Variants in SEC61A1 observed in about 807,000 individuals in gnomAD.
SEC61A1 encodes protein transport protein Sec61 subunit alpha isoform 1.
In SEC61A1, 15 loss-of-function variants were observed where a neutral mutation model predicts 55.2. That is an observed-to-expected ratio of 0.27 (90% CI 0.18 to 0.42). The LOEUF (loss-of-function observed/expected upper bound fraction) is 0.42. Among genes scored for constraint, SEC61A1 ranks in the 10% least tolerant of loss-of-function variants. The pLI, the probability that SEC61A1 is intolerant of heterozygous loss-of-function variation, is 1.00. For synonymous variants in SEC61A1, 247 were observed against 234.0 expected, an observed-to-expected ratio of 1.06 and a Z score of -0.51; for missense variants, 284 against 602.6, an observed-to-expected ratio of 0.47 and a Z score of 5.53.
Position 128,060,368 on chromosome 3 carries a change from T to C in SEC61A1, c.463-140T>C. Reference sequence around the variant, plus strand: ...CCCTCTGAATTCAGCAGAGAAAGGCTTTACTGACCGCTCTCTGGGGCTGAG... The same window carrying C: ...CCCTCTGAATTCAGCAGAGAAAGGCCTTACTGACCGCTCTCTGGGGCTGAG... On this transcript the variant is annotated intron_variant, in intron 6 of 11. Transcript: ENST00000243253. 4 of 1,105,038 alleles carry C rather than the reference T, an allele frequency of 3.6e-6. No individual in the cohort carries two copies. The South Asian group carries it at 5.9e-5, about 16-fold the overall frequency. The allele number at this position is 1,105,038 out of a possible 1,614,324, so 68.5% of individuals were successfully genotyped here.
Position 128,067,305 on chromosome 3 carries a change from T to A in SEC61A1, c.976-116T>A, listed in dbSNP as rs1028375930. The A allele has an allele frequency of 7.6e-7, 1 of 1,315,580 alleles. No homozygotes were observed. Among genetic ancestry groups the A allele is most frequent in the Non-Finnish European group, 1.1e-6 (1 of 946,318 alleles). The allele number at this position is 1,315,580 out of a possible 1,614,324, so 81.5% of individuals were successfully genotyped here. A position where few individuals can be genotyped will look rare whatever the true frequency, so the allele number is the denominator to read the frequency against. On this transcript the variant is annotated intron_variant, in intron 9 of 11. Coordinates refer to ENST00000243253, the MANE Select transcript of SEC61A1 (RefSeq NM_013336.4). The surrounding 1 kb of genome is among the most constrained non-coding windows in gnomAD (Gnocchi z 4.1). The stretch of plus-strand genomic sequence containing the variant: ...TTAAATTATCTTTTCAGTAAAAAAA[T>A]TGTACTGTGGGCACCGAGTAAAATT...
intron 2 of SEC61A1, among the ~76,000 whole-genome samples, chr3:128,053,942 G>A (rs13094572): frequency 0.22 from 33,603 of 152,110 alleles, 3,762 homozygotes; most frequent in South Asian, 0.27. Context: ...TCCTTGAAGG[G>A]ACGGAAAGGA....
chr3:128,064,860 T>A lies in SEC61A1; in HGVS notation c.617-17T>A. The A allele has an allele frequency of 2.5e-6, 4 of 1,577,920 alleles. No homozygotes were observed. Among genetic ancestry groups the A allele is most frequent in the Non-Finnish European group, 3.4e-6 (4 of 1,161,406 alleles). ...GCCTGTTCGTTCCTTCATATATGTC[T>A]CCTCCTCTGCCAACAGGAATGGAAT... On this transcript the variant is annotated splice_polypyrimidine_tract_variant and intron_variant, in intron 7 of 11. Transcript: ENST00000243253.
Position 128,052,836 on chromosome 3 carries a change from C to A in SEC61A1, c.9C>A (p.Ile3=). The A allele has an allele frequency of 1.2e-6, 2 of 1,613,516 alleles. No homozygotes were observed. The highest frequency in any genetic ancestry group is 2.2e-5 in the South Asian group (2 of 90,984). MA[I]KFLEVIKPFC... ...CCTGTTTTGTTTCTCCCATCAAAGT[C>A]AAATTTCTGGAAGTCATCAAGCCCT... Residue 3 remains isoleucine, a splice_region_variant and synonymous_variant, in exon 2 of 12, where the codon ATC becomes ATA. Coordinates refer to ENST00000243253, the MANE Select transcript of SEC61A1 (RefSeq NM_013336.4).
chr3:128,064,938 G>A lies in SEC61A1; in HGVS notation c.678G>A (p.Lys226=), dbSNP rs1367335280. 3.1e-6 allele frequency: 5 copies of A among 1,614,088 alleles called. No homozygotes were observed. The highest frequency in any genetic ancestry group is 4.2e-6 in the Non-Finnish European group (5 of 1,180,020). The part of the protein sequence containing the change: ...LFHLLATRTD[K]VRALREAFYR... ...ATCTGCTGGCCACACGCACAGACAA[G>A]GTCCGAGCCCTTCGGGAGGCGTTCT... Residue 226 remains lysine, a synonymous_variant, in exon 8 of 12, where the codon AAG becomes AAA. Coordinates refer to ENST00000243253, the MANE Select transcript of SEC61A1 (RefSeq NM_013336.4).
Position 128,063,080 on chromosome 3 carries a change from G to T in SEC61A1, c.617-1797G>T, listed in dbSNP as rs114236274. 4.6e-3 allele frequency among the ~76,000 whole-genome samples: 694 copies of T among 152,280 alleles called. 5 individuals carry two copies. The highest frequency in any genetic ancestry group is 0.015 in the African/African-American group (612 of 41,564). ...AAAAGGCAAACCCCACATACCATCAGTTTGGTTACTCTTCCCATTCCCTCA... is the reference window on the plus strand; with the variant it reads ...AAAAGGCAAACCCCACATACCATCATTTTGGTTACTCTTCCCATTCCCTCA... On this transcript the variant is annotated intron_variant, in intron 7 of 11. Coordinates refer to ENST00000243253, the MANE Select transcript of SEC61A1 (RefSeq NM_013336.4).
chr3:128,069,135 A>G (rs1289746947), intron 11 of SEC61A1, among the ~76,000 whole-genome samples: 1 of 152,254 alleles, frequency 6.6e-6, no homozygotes, highest in Admixed American at 6.5e-5. Flanking sequence ...AATTTAATAT[A>G]TTTAACCTAG....
intron 2 of SEC61A1, 73 bp from the exon 3 acceptor site, chr3:128,055,443 T>TGAC (rs1179750388): frequency 1.4e-5 from 17 of 1,184,902 alleles, no homozygotes; most frequent in African/African-American, 3.0e-5. Context: ...GAAAGGGGTC[T>TGAC]GATTGGAGTC....
intron 11 of SEC61A1, 67 bp downstream of exon 11, chr3:128,068,126 C>T (rs1403522041): frequency 4.0e-6 from 5 of 1,247,000 alleles, no homozygotes; most frequent in South Asian, 3.6e-5. Flanking sequence ...CCATGCAGGG[C>T]ATCCTGATAG....
chr3:128,053,929 G>C (rs562927070), intron 2 of SEC61A1, among the ~76,000 whole-genome samples: 1 of 152,368 alleles, frequency 6.6e-6, no homozygotes, highest in South Asian at 2.1e-4. Flanking sequence ...AGAAATAGAA[G>C]TCTCCTTGAA....
Position 128,067,311 on chromosome 3 carries a change from T to C in SEC61A1, c.976-110T>C. 3.0e-6 allele frequency: 4 copies of C among 1,328,868 alleles called. No individual in the cohort carries two copies. The highest frequency in any genetic ancestry group is 4.2e-6 in the Non-Finnish European group (4 of 957,802). The allele number at this position is 1,328,868 out of a possible 1,614,324, so 82.3% of individuals were successfully genotyped here. A position where few individuals can be genotyped will look rare whatever the true frequency, so the allele number is the denominator to read the frequency against. The stretch of plus-strand genomic sequence containing the variant: ...TATCTTTTCAGTAAAAAAATTGTAC[T>C]GTGGGCACCGAGTAAAATTGCATTC... On this transcript the variant is annotated intron_variant, in intron 9 of 11. Transcript: ENST00000243253. This position sits in a 1 kb window ranked among gnomAD's most constrained non-coding sequence, Gnocchi z 4.1.
At chr3:128,063,980 T>C (rs1490678178) in intron 7 of SEC61A1, among the ~76,000 whole-genome samples, 1 of 152,150 alleles carries the variant, frequency 6.6e-6, no homozygotes, top group Non-Finnish European at 1.5e-5. Context: ...CTCAGTAAGC[T>C]CACTCCACCC....
chr3:128,065,732 ATTTTTTT>A (rs758640768), intron 8 of SEC61A1, among the ~76,000 whole-genome samples: 1 of 97,528 alleles, frequency 1.0e-5, no homozygotes, highest in Non-Finnish European at 1.9e-5. Context: ...ATCATTAAGA[ATTTTTTT>A]TTTTTTTTTT....
In SEC61A1 at chr3:128,055,567, T is replaced by C. The variant is rs1458696296; in HGVS notation, c.127T>C (p.Leu43=). ...GACCGCTATCACCCTCTTTATCTTC[T>C]TAGTGTGCTGCCAGGTAAGCTCAGG... is the stretch of plus-strand genomic sequence containing the variant. ...LWTAITLFIF[L]VCCQIPLFGI... The change falls in exon 3 of 12, where the codon TTA becomes CTA. Residue 43 remains leucine (L), a synonymous_variant. Coordinates refer to ENST00000243253, the MANE Select transcript of SEC61A1 (RefSeq NM_013336.4). The C allele has an allele frequency of 6.2e-7, 1 of 1,613,676 alleles. No individual in the cohort carries two copies. Among genetic ancestry groups the C allele is most frequent in the Admixed American group, 1.7e-5 (1 of 60,024 alleles).
chr3:128,055,510 C>G lies in SEC61A1; in HGVS notation c.76-6C>G. ...CCCTGCTTCAATTCATTCTCTCCTA[C>G]TCTAGATTCAGTTTAAGGAGAAAGT... On this transcript the variant is annotated splice_region_variant and splice_polypyrimidine_tract_variant and intron_variant, in intron 2 of 11. Transcript: ENST00000243253. The G allele has an allele frequency of 6.2e-7, 1 of 1,604,928 alleles. No homozygotes were observed. The highest frequency in any genetic ancestry group is 8.5e-7 in the Non-Finnish European group (1 of 1,171,630).
At position 128,067,340 on chromosome 3, in the gene SEC61A1, C is replaced by G; in HGVS notation, c.976-81C>G. ...GGCACCGAGTAAAATTGCATTCTTTCATCTGCTCAGAACTATTTTTGCCTT... is the reference window on the plus strand; with the variant it reads ...GGCACCGAGTAAAATTGCATTCTTTGATCTGCTCAGAACTATTTTTGCCTT... On this transcript the variant is annotated intron_variant, in intron 9 of 11. Transcript: ENST00000243253. This position sits in a 1 kb window ranked among gnomAD's most constrained non-coding sequence, Gnocchi z 4.1. 8 of 1,450,256 alleles carry G rather than the reference C, an allele frequency of 5.5e-6. No homozygotes were observed. The highest frequency in any genetic ancestry group is 7.5e-6 in the Non-Finnish European group (8 of 1,063,980). The allele number at this position is 1,450,256 out of a possible 1,614,324, so 89.8% of individuals were successfully genotyped here.
At chr3:128,065,811 G>A (rs1941959400) in intron 8 of SEC61A1, among the ~76,000 whole-genome samples, 1 of 133,822 alleles carries the variant, frequency 7.5e-6, no homozygotes, top group Admixed American at 8.9e-5. Flanking sequence ...ATCTCGACTC[G>A]ACTCACTGCA....
In SEC61A1 at chr3:128,070,150, T is replaced by C. The variant is rs956490406; in HGVS notation, c.*488T>C. Reference sequence around the variant, plus strand: ...GGCATGTCTCCTTCACAATCAGGCGTGGGAATATCTGGCTTAGGACTGTTT... The same window carrying C: ...GGCATGTCTCCTTCACAATCAGGCGCGGGAATATCTGGCTTAGGACTGTTT... On this transcript the variant is annotated 3_prime_UTR_variant, in exon 12 of 12. Transcript: ENST00000243253. 5 of 153,782 alleles carry C rather than the reference T, an allele frequency of 3.3e-5. No homozygotes were observed. The highest frequency in any genetic ancestry group is 1.5e-5 in the Non-Finnish European group (1 of 68,956). 9.5% of individuals were successfully genotyped at this position (153,782 alleles called of 1,614,324 possible).
rs1384613598 is a variant in SEC61A1, at chr3:128,055,598, A to G, written c.141+17A>G. The stretch of plus-strand genomic sequence containing the variant: ...TGCTGCCAGGTAAGCTCAGGCTTGT[A>G]TTTCGTATTGGGGAGGGGGATAAGA... On this transcript the variant is annotated intron_variant, in intron 3 of 11. Transcript: ENST00000243253. 2.5e-6 allele frequency: 4 copies of G among 1,612,076 alleles called. No individual in the cohort carries two copies. The highest frequency in any genetic ancestry group is 2.2e-5 in the South Asian group (2 of 91,046).
Sources: gnomAD v4.1 joint callset for allele counts (sites outside exome capture counted in the v4.1 genomes callset) on GRCh38, gnomAD v4.1.1 for gene constraint, Gnocchi (gnomAD v3.1) non-coding constraint, MANE v1.5 for transcripts, NCBI Gene and HGNC (gene_info 2026-07-23, HGNC 2026-07-21) for gene names.